DCC: variants seen among roughly 807,000 people sequenced by gnomAD.
DCC encodes the protein DCC netrin 1 receptor, also known as netrin receptor DCC.
In DCC, 58 loss-of-function variants were observed where a neutral mutation model predicts 172.5. That is an observed-to-expected ratio of 0.34 (90% CI 0.27 to 0.42). The LOEUF is 0.42. Ranked by LOEUF, DCC falls within the 10% of genes least tolerant of loss-of-function variation. The pLI is 1.00. For synonymous variants in DCC, 709 were observed against 644.5 expected (o/e 1.10, Z -1.52); for missense variants, 1,740 against 1,791.0 (o/e 0.97, Z 0.51).
intron 7 of DCC, among the ~76,000 whole-genome samples, chr18:53,119,590 T>C (rs2043454758): frequency 1.3e-5 from 2 of 151,902 alleles, no homozygotes; most frequent in African/African-American, 4.8e-5. Flanking sequence ...ATAGTTCTAG[T>C]TGTAAGTTGA....
chr18:52,902,868 A>T (rs77673472), intron 2 of DCC, among the ~76,000 whole-genome samples: 2 of 152,148 alleles, frequency 1.3e-5, no homozygotes, highest in Non-Finnish European at 2.9e-5. Context: ...ATAATTTCTC[A>T]CTATGACAAA....
At chr18:53,278,773 C>A (rs1399613173) in intron 12 of DCC, among the ~76,000 whole-genome samples, 1 of 152,126 alleles carries the variant, frequency 6.6e-6, no homozygotes, top group African/African-American at 2.4e-5. Context: ...CATCCATTGT[C>A]TCATTTGATC....
intron 1 of DCC, among the ~76,000 whole-genome samples, chr18:52,551,065 C>A (rs998285505): frequency 6.6e-6 from 1 of 151,952 alleles, no homozygotes; most frequent in African/African-American, 2.4e-5. Flanking sequence ...AATTCAGAAA[C>A]AATACTGTTG....
intron 2 of DCC, among the ~76,000 whole-genome samples, chr18:52,857,180 C>G (rs1198957375): frequency 2.0e-5 from 3 of 152,106 alleles, no homozygotes; most frequent in Non-Finnish European, 4.4e-5. Context: ...CTGGTAAAAA[C>G]AAACACTAAG....
In DCC at chr18:53,061,588, T is replaced by G. The variant is rs1403242127; in HGVS notation, c.986-1717T>G. Among the ~76,000 whole-genome samples, 3 of 152,124 alleles carry G rather than the reference T, an allele frequency of 2.0e-5. No homozygotes were observed. In the East Asian group the frequency reaches 5.8e-4, roughly 29 times the overall value. ...GATTTTATTTAATGACTCTAATTGC[T>G]TATCACAATTATCTCTCAGGCTCTG... On this transcript the variant is annotated intron_variant, in intron 5 of 28. Transcript: ENST00000442544.
In DCC at chr18:53,288,563, C is replaced by T. The variant is rs537528869; in HGVS notation, c.1912-17015C>T. Among the ~76,000 whole-genome samples, 4 of 152,096 alleles carry T rather than the reference C, an allele frequency of 2.6e-5. No individual in the cohort carries two copies. The South Asian group carries it at 6.2e-4, about 24-fold the overall frequency. ...TATTCTTTTCCTTGTAATCTAATGGCTTTTGTGCAGATATAATTTTAAGTA... is the reference window on the plus strand; with the variant it reads ...TATTCTTTTCCTTGTAATCTAATGGTTTTTGTGCAGATATAATTTTAAGTA... On this transcript the variant is annotated intron_variant, in intron 12 of 28. Transcript: ENST00000442544.
rs187337544 is a variant in DCC at position 52,975,099 on chromosome 18, A to G, written c.985+49729A>G. 1.3e-3 allele frequency among the ~76,000 whole-genome samples: 194 copies of G among 152,294 alleles called. 1 individual carries two copies. The highest frequency in any genetic ancestry group is 4.5e-3 in the African/African-American group (186 of 41,584). On this transcript the variant is annotated intron_variant, in intron 5 of 28. Transcript: ENST00000442544. ...TTGTTGACCCTAAAGAAAAAAGTCC[A>G]CTTCATATTAGCCTTCTTGGTCTAC... is the stretch of plus-strand genomic sequence containing the variant.
chr18:52,471,317 G>A (rs1396375848), intron 1 of DCC, among the ~76,000 whole-genome samples: 4 of 152,178 alleles, frequency 2.6e-5, no homozygotes, highest in African/African-American at 9.7e-5. Flanking sequence ...GGGCAACACA[G>A]CAAGACTGTA....
intron 27 of DCC, among the ~76,000 whole-genome samples, chr18:53,519,336 T>A (rs1555682236): frequency 6.6e-6 from 1 of 152,068 alleles, no homozygotes; most frequent in Non-Finnish European, 1.5e-5. Flanking sequence ...GTTGTATAGA[T>A]CACACACAGT....
At chr18:53,201,018 C>T (rs2055528717) in intron 9 of DCC, among the ~76,000 whole-genome samples, 1 of 152,102 alleles carries the variant, frequency 6.6e-6, no homozygotes, top group Admixed American at 6.6e-5. Context: ...TTTTCTTCTC[C>T]TTTGCCCCTT....
chr18:52,840,343 C>A (rs1442484288), intron 2 of DCC, among the ~76,000 whole-genome samples: 1 of 152,124 alleles, frequency 6.6e-6, no homozygotes, highest in Non-Finnish European at 1.5e-5. Context: ...TGGTCTATCA[C>A]CATGAGACAG....
intron 17 of DCC, among the ~76,000 whole-genome samples, chr18:53,395,963 T>C (rs1392678637): frequency 1.3e-5 from 2 of 152,174 alleles, no homozygotes; most frequent in Non-Finnish European, 2.9e-5. Context: ...TTAAGAAGAC[T>C]TCTGATAAAT....
At chr18:52,935,916 G>C (rs916731322) in intron 5 of DCC, among the ~76,000 whole-genome samples, 21 of 152,008 alleles carry the variant, frequency 1.4e-4, no homozygotes, top group African/African-American at 5.1e-4. Flanking sequence ...ACATATATCT[G>C]TAATTGCCCT....
intron 13 of DCC, among the ~76,000 whole-genome samples, chr18:53,315,776 G>A (rs533829426): frequency 1.4e-4 from 21 of 151,484 alleles, no homozygotes; most frequent in African/African-American, 5.1e-4. Flanking sequence ...TAGTAGTATT[G>A]TCTGTTCATA....
At chr18:53,501,756 T>TGTTTA in intron 27 of DCC, among the ~76,000 whole-genome samples, 1 of 152,338 alleles carries the variant, frequency 6.6e-6, no homozygotes, top group South Asian at 2.1e-4. Flanking sequence ...GCACCAGTGA[T>TGTTTA]GTTTAGTTTG....
chr18:53,140,749 G>A (rs1390395793), intron 7 of DCC, among the ~76,000 whole-genome samples: 1 of 152,058 alleles, frequency 6.6e-6, no homozygotes, highest in Non-Finnish European at 1.5e-5. Flanking sequence ...ATGTCAGTGT[G>A]TGGTAATATA....
At chr18:53,181,761 T>C (rs1342494474) in intron 9 of DCC, among the ~76,000 whole-genome samples, 1 of 152,136 alleles carries the variant, frequency 6.6e-6, no homozygotes. Flanking sequence ...TCAGCAGATT[T>C]GGGGGGAAGC....
intron 1 of DCC, among the ~76,000 whole-genome samples, chr18:52,575,691 G>A (rs976137960): frequency 2.0e-5 from 3 of 151,994 alleles, no homozygotes; most frequent in Non-Finnish European, 4.4e-5. Context: ...AAAAAGGAAG[G>A]CAATTTATGT....
At chr18:53,422,368 T>C (rs1230961939) in intron 21 of DCC, among the ~76,000 whole-genome samples, 2 of 152,212 alleles carry the variant, frequency 1.3e-5, no homozygotes, top group Non-Finnish European at 2.9e-5. Context: ...AAATACCTTC[T>C]TCGCTCAGAG....
Sources: allele counts gnomAD v4.1 joint callset (sites outside exome capture counted in the v4.1 genomes callset), GRCh38; gene constraint gnomAD v4.1.1; transcripts MANE v1.5; gene names NCBI Gene and HGNC (gene_info 2026-07-23, HGNC 2026-07-21).